Variants in ASB18 observed in about 807,000 individuals in gnomAD.
ASB18 encodes the protein ankyrin repeat and SOCS box protein 18.
ASB18 carries 33 observed loss-of-function variants against 33.4 expected under a neutral mutation model. The ratio of observed to expected loss-of-function variants is 0.99; its 90% CI spans 0.75 to 1.32. The LOEUF (loss-of-function observed/expected upper bound fraction) is 1.32. ASB18 is among the 40% of genes most tolerant of loss of function. The probability of loss-of-function intolerance (pLI) is 0.00; values close to 1 mark genes in which losing one functional copy is unlikely to be tolerated. For synonymous variants in ASB18, 295 were observed against 307.6 expected (o/e 0.96, Z 0.43); for missense variants, 694 against 655.5 (o/e 1.06, Z -0.64).
At position 236,241,395 on chromosome 2, in the gene ASB18, G is replaced by C. The variant is rs201413222; in HGVS notation, c.213C>G (p.Leu71=). The C allele has an allele frequency of 3.1e-4, 494 of 1,613,954 alleles. 3 individuals carry two copies. The African/African-American group carries it at 6.0e-3, about 20-fold the overall frequency. Residue 71 remains leucine, a synonymous_variant, in exon 2 of 6, where the codon CTC becomes CTG. Coordinates refer to ENST00000409749, the MANE Select transcript of ASB18 (RefSeq NM_212556.4). The surrounding 1 kb of genome is among the most constrained non-coding windows in gnomAD (Gnocchi z 4.2). ...GGTCCATGAGGGGCTTCAGATGGTCGAGGTCCCCTGCGACCAGGGCAGTGT... is the reference window on the plus strand; with the variant it reads ...GGTCCATGAGGGGCTTCAGATGGTCCAGGTCCCCTGCGACCAGGGCAGTGT... The part of the protein sequence containing the change: ...QLPTGMLLGD[L]DHLKPLMDQF...
chr2:236,224,067 A>C (rs2060525507), intron 3 of ASB18, among the ~76,000 whole-genome samples: 1 of 151,250 alleles, frequency 6.6e-6, no homozygotes, highest in Non-Finnish European at 1.5e-5. Context: ...ACTGGTAGGT[A>C]TGTATTTAAC....
rs2060553585 is a variant in ASB18 at position 236,229,106 on chromosome 2, G to A, written c.596+8583C>T. 6.6e-6 allele frequency among the ~76,000 whole-genome samples: 1 copy of A among 152,110 alleles called. No homozygotes were observed. Among genetic ancestry groups the A allele is most frequent in the Non-Finnish European group, 1.5e-5 (1 of 68,026 alleles). On this transcript the variant is annotated intron_variant, in intron 3 of 5. Transcript: ENST00000409749. The surrounding 1 kb of genome is among the most constrained non-coding windows in gnomAD (Gnocchi z 5.2). ...ATAAATAAATAAATGACACAGAAAT[G>A]ACATAGGTGATAGAATTAGTAGGCA...
In ASB18 at chr2:236,252,157, G is replaced by T. The variant is rs57192000; in HGVS notation, c.206-10755C>A. On this transcript the variant is annotated intron_variant, in intron 1 of 5. Transcript: ENST00000409749. The surrounding 1 kb of genome is among the most constrained non-coding windows in gnomAD (Gnocchi z 7.9). ...GTGGTGGTGTGCGGCTGCAGTCCCA[G>T]CTATTCAGGAGGCTGAGACAGGAGA... 6.6e-6 allele frequency among the ~76,000 whole-genome samples: 1 copy of T among 152,094 alleles called. No individual in the cohort carries two copies. The highest frequency in any genetic ancestry group is 2.4e-5 in the African/African-American group (1 of 41,398).
In ASB18 at chr2:236,262,425, G is replaced by A. The variant is rs576992758; in HGVS notation, c.205+1716C>T. Reference sequence around the variant, plus strand: ...GCTGGAGGAGGGGCAGGAGCTGCTGGGCAGGAGCCAAGCCTTCCACAGAAG... The same window carrying A: ...GCTGGAGGAGGGGCAGGAGCTGCTGAGCAGGAGCCAAGCCTTCCACAGAAG... On this transcript the variant is annotated intron_variant, in intron 1 of 5. Transcript: ENST00000409749. This position sits in a 1 kb window ranked among gnomAD's most constrained non-coding sequence, Gnocchi z 5.2. Among the ~76,000 whole-genome samples, 2 of 152,318 alleles carry A rather than the reference G, an allele frequency of 1.3e-5. No individual in the cohort carries two copies. The highest frequency in any genetic ancestry group is 4.8e-5 in the African/African-American group (2 of 41,578).
In ASB18 at chr2:236,238,025, T is replaced by C; in HGVS notation, c.329-69A>G. On this transcript the variant is annotated intron_variant, in intron 2 of 5. Coordinates refer to ENST00000409749, the MANE Select transcript of ASB18 (RefSeq NM_212556.4). The surrounding 1 kb of genome is among the most constrained non-coding windows in gnomAD (Gnocchi z 5.2). ...TGTGGTGGTGGTGGGCGGTGTTCCT[T>C]AAGGCGGAAAGAAAGTGAAGCCGTC... is the stretch of plus-strand genomic sequence containing the variant. 7.5e-7 allele frequency: 1 copy of C among 1,341,534 alleles called. No individual in the cohort carries two copies. Among genetic ancestry groups the C allele is most frequent in the Non-Finnish European group, 9.7e-7 (1 of 1,032,318 alleles). 83.1% of individuals were successfully genotyped at this position (1,341,534 alleles called of 1,614,324 possible). A position where few individuals can be genotyped will look rare whatever the true frequency, so the allele number is the denominator to read the frequency against.
Position 236,263,579 on chromosome 2 carries a change from G to T in ASB18, c.205+562C>A, listed in dbSNP as rs1452829302. On this transcript the variant is annotated intron_variant, in intron 1 of 5. Coordinates refer to ENST00000409749, the MANE Select transcript of ASB18 (RefSeq NM_212556.4). This position sits in a 1 kb window ranked among gnomAD's most constrained non-coding sequence, Gnocchi z 4.0. ...GAAAAAATGTTATGTTCTTGTTCCA[G>T]TTATATGGCTCCTAGGAATTTATGG... Among the ~76,000 whole-genome samples, 1 of 152,124 alleles carries T rather than the reference G, an allele frequency of 6.6e-6. No homozygotes were observed. The highest frequency in any genetic ancestry group is 2.4e-5 in the African/African-American group (1 of 41,420).
At position 236,225,254 on chromosome 2, in the gene ASB18, T is replaced by A. The variant is rs1184021012; in HGVS notation, c.597-10388A>T. Among the ~76,000 whole-genome samples the A allele has an allele frequency of 6.6e-6, 1 of 152,172 alleles. No individual in the cohort carries two copies. The highest frequency in any genetic ancestry group is 1.5e-5 in the Non-Finnish European group (1 of 68,036). ...CTCCAGACTCAGCCTCCCAAGTAGC[T>A]GAGACTACAGTTGTGTGCCACCATG... On this transcript the variant is annotated intron_variant, in intron 3 of 5. Coordinates refer to ENST00000409749, the MANE Select transcript of ASB18 (RefSeq NM_212556.4). This position sits in a 1 kb window ranked among gnomAD's most constrained non-coding sequence, Gnocchi z 5.1.
chr2:236,237,336 CGG>C lies in ASB18; in HGVS notation c.596+351_596+352del. Among the ~76,000 whole-genome samples, 1 of 67,382 alleles carries C rather than the reference CGG, an allele frequency of 1.5e-5. No individual in the cohort carries two copies. The highest frequency in any genetic ancestry group is 3.6e-5 in the Non-Finnish European group (1 of 27,932). The allele number at this position is 67,382 out of a possible 152,430, so 44.2% of individuals were successfully genotyped here. On this transcript the variant is annotated intron_variant, in intron 3 of 5. Coordinates refer to ENST00000409749, the MANE Select transcript of ASB18 (RefSeq NM_212556.4). This position sits in a 1 kb window ranked among gnomAD's most constrained non-coding sequence, Gnocchi z 6.2. Reference sequence around the variant, plus strand: ...CGCAATCAAGCGCTAATTAAACCCGCGGGGGCCGGGGCCGGGGCGCGGGGCGG... The same window carrying C: ...CGCAATCAAGCGCTAATTAAACCCGCGGGCCGGGGCCGGGGCGCGGGGCGG...
chr2:236,231,936 T>G lies in ASB18; in HGVS notation c.596+5753A>C, dbSNP rs1231443420. ...AGAGAGTTTGACACTCTTCTTTCAA[T>G]AACTTGTAAAACAAGTCCAATGAAA... On this transcript the variant is annotated intron_variant, in intron 3 of 5. Transcript: ENST00000409749. The surrounding 1 kb of genome is among the most constrained non-coding windows in gnomAD (Gnocchi z 5.5). Among the ~76,000 whole-genome samples the G allele has an allele frequency of 6.6e-6, 1 of 152,186 alleles. No individual in the cohort carries two copies. The highest frequency in any genetic ancestry group is 1.5e-5 in the Non-Finnish European group (1 of 68,028).
rs1295471774 is a variant in ASB18, at chr2:236,251,531, C to G, written c.206-10129G>C. ...GTTGGTTTGCTTTGATTGTTCTGCC[C>G]TGTGATCCTTTATATCCCTTCTAGA... is the stretch of plus-strand genomic sequence containing the variant. On this transcript the variant is annotated intron_variant, in intron 1 of 5. Transcript: ENST00000409749. The surrounding 1 kb of genome is among the most constrained non-coding windows in gnomAD (Gnocchi z 5.3). Among the ~76,000 whole-genome samples, 1 of 152,138 alleles carries G rather than the reference C, an allele frequency of 6.6e-6. No homozygotes were observed.
In ASB18 at chr2:236,216,176, C is replaced by T. The variant is rs2060487181; in HGVS notation, c.597-1310G>A. On this transcript the variant is annotated intron_variant, in intron 3 of 5. Coordinates refer to ENST00000409749, the MANE Select transcript of ASB18 (RefSeq NM_212556.4). This position sits in a 1 kb window ranked among gnomAD's most constrained non-coding sequence, Gnocchi z 6.1. ...GTTGGAGGACGCAGCCTTCATGGAGCTGGCCTTGGTCTCAGCTGGGCCTCA... is the reference window on the plus strand; with the variant it reads ...GTTGGAGGACGCAGCCTTCATGGAGTTGGCCTTGGTCTCAGCTGGGCCTCA... 6.6e-6 allele frequency among the ~76,000 whole-genome samples: 1 copy of T among 152,228 alleles called. No individual in the cohort carries two copies. The highest frequency in any genetic ancestry group is 6.5e-5 in the Admixed American group (1 of 15,292).
At position 236,222,961 on chromosome 2, in the gene ASB18, A is replaced by T. The variant is rs1254305736; in HGVS notation, c.597-8095T>A. On this transcript the variant is annotated intron_variant, in intron 3 of 5. Transcript: ENST00000409749. The surrounding 1 kb of genome is among the most constrained non-coding windows in gnomAD (Gnocchi z 5.5). ...CTTGAGCCCTGGAGGTGGAGGTTGC[A>T]GTGAGCTGAGATGGTGCCACAGCAC... Among the ~76,000 whole-genome samples the T allele has an allele frequency of 6.6e-6, 1 of 152,332 alleles. No individual in the cohort carries two copies. The highest frequency in any genetic ancestry group is 2.4e-5 in the African/African-American group (1 of 41,576).
rs752280117 is a variant in ASB18 at position 236,216,551 on chromosome 2, A to G, written c.597-1685T>C. ...CTTCTTGCCATTTTCCTGTCTTTCT[A>G]TTTCCCTGCCCCATTTCAACTGGTC... On this transcript the variant is annotated intron_variant, in intron 3 of 5. Coordinates refer to ENST00000409749, the MANE Select transcript of ASB18 (RefSeq NM_212556.4). The surrounding 1 kb of genome is among the most constrained non-coding windows in gnomAD (Gnocchi z 6.1). Among the ~76,000 whole-genome samples, 1 of 151,828 alleles carries G rather than the reference A, an allele frequency of 6.6e-6. No homozygotes were observed. The highest frequency in any genetic ancestry group is 2.4e-5 in the African/African-American group (1 of 41,276).
intron 1 of ASB18, among the ~76,000 whole-genome samples, chr2:236,242,356 G>A (rs1015693831): frequency 3.3e-5 from 5 of 152,250 alleles, no homozygotes; most frequent in East Asian, 1.9e-4. Flanking sequence ...AAGCGAAGGC[G>A]GTGCCAGGTA....
At chr2:236,247,073 A>G (rs1232867247) in intron 1 of ASB18, among the ~76,000 whole-genome samples, 1 of 151,996 alleles carries the variant, frequency 6.6e-6, no homozygotes, top group African/African-American at 2.4e-5. Flanking sequence ...CAGCTTCCTA[A>G]GTATCCAAGT....
intron 3 of ASB18, among the ~76,000 whole-genome samples, chr2:236,230,246 C>G (rs13390047): frequency 0.023 from 3,480 of 151,650 alleles, 151 homozygotes; most frequent in African/African-American, 0.08. Context: ...TCATAATGCT[C>G]TACCCAGCAA....
chr2:236,237,626 G>T lies in ASB18; in HGVS notation c.596+63C>A, dbSNP rs944848953. On this transcript the variant is annotated intron_variant, in intron 3 of 5. Coordinates refer to ENST00000409749, the MANE Select transcript of ASB18 (RefSeq NM_212556.4). This position sits in a 1 kb window ranked among gnomAD's most constrained non-coding sequence, Gnocchi z 6.2. ...GGAGGCGGGGTCGGCGGTCTCGTGG[G>T]GGGAGGCGGGCGTCTGGTCTCGGGG... The T allele has an allele frequency of 2.3e-6, 3 of 1,292,066 alleles. No homozygotes were observed. Among genetic ancestry groups the T allele is most frequent in the Non-Finnish European group, 3.0e-6 (3 of 1,010,664 alleles). 80.0% of individuals were successfully genotyped at this position (1,292,066 alleles called of 1,614,324 possible).
In ASB18 at chr2:236,231,517, G is replaced by A. The variant is rs887156621; in HGVS notation, c.596+6172C>T. 6.6e-6 allele frequency among the ~76,000 whole-genome samples: 1 copy of A among 152,152 alleles called. No homozygotes were observed. Among genetic ancestry groups the A allele is most frequent in the Non-Finnish European group, 1.5e-5 (1 of 68,018 alleles). On this transcript the variant is annotated intron_variant, in intron 3 of 5. Coordinates refer to ENST00000409749, the MANE Select transcript of ASB18 (RefSeq NM_212556.4). The surrounding 1 kb of genome is among the most constrained non-coding windows in gnomAD (Gnocchi z 5.5). ...GAAGCAACACAATGCCATCTTGGAA[G>A]CAGAGAACATGCCCTCACCAGACAA... is the stretch of plus-strand genomic sequence containing the variant.
chr2:236,238,494 A>G lies in ASB18; in HGVS notation c.329-538T>C, dbSNP rs1428241762. ...CCACACATCACCAAGGTTGTTCAAG[A>G]AAAGGACTCAGAGAAAGTTTAGCTC... is the stretch of plus-strand genomic sequence containing the variant. On this transcript the variant is annotated intron_variant, in intron 2 of 5. Transcript: ENST00000409749. The surrounding 1 kb of genome is among the most constrained non-coding windows in gnomAD (Gnocchi z 5.2). Among the ~76,000 whole-genome samples the G allele has an allele frequency of 1.3e-5, 2 of 152,168 alleles. No individual in the cohort carries two copies. Among genetic ancestry groups the G allele is most frequent in the Admixed American group, 6.5e-5 (1 of 15,280 alleles).
Sources: gnomAD v4.1 joint callset for allele counts (sites outside exome capture counted in the v4.1 genomes callset) on GRCh38, gnomAD v4.1.1 for gene constraint, Gnocchi (gnomAD v3.1) non-coding constraint, MANE v1.5 for transcripts, NCBI Gene and HGNC (gene_info 2026-07-23, HGNC 2026-07-21) for gene names.